Variants in TMEM131L observed in about 807,000 individuals in gnomAD.
TMEM131L encodes transmembrane 131 like, also known as transmembrane protein 131-like.
In TMEM131L, 54 loss-of-function variants were observed where a neutral mutation model predicts 192.2. The observed-to-expected ratio is 0.28, with a 90% CI of 0.23 to 0.35. The LOEUF is 0.35. Ranked by LOEUF, TMEM131L falls within the 10% of genes least tolerant of loss-of-function variation. TMEM131L has a pLI of 1.00. For missense variants in TMEM131L, 1,888 were observed against 1,972.9 expected, an observed-to-expected ratio of 0.96 and a Z score of 0.82; for synonymous variants, 701 against 704.9, an observed-to-expected ratio of 0.99 and a Z score of 0.09.
At chr4:153,546,754 C>T (rs1046245731) in intron 3 of TMEM131L, among the ~76,000 whole-genome samples, 20 of 152,282 alleles carry the variant, frequency 1.3e-4, no homozygotes, top group African/African-American at 3.4e-4. Flanking sequence ...ATGGAGAAAC[C>T]CCATCTCTGT....
intron 26 of TMEM131L, among the ~76,000 whole-genome samples, chr4:153,613,992 C>T (rs1053784592): frequency 6.6e-6 from 1 of 152,146 alleles, no homozygotes; most frequent in Non-Finnish European, 1.5e-5. Flanking sequence ...CACCAAGATT[C>T]ATAGTAGAGG....
At chr4:153,598,298 A>G (rs1731588916) in intron 20 of TMEM131L, among the ~76,000 whole-genome samples, 1 of 151,870 alleles carries the variant, frequency 6.6e-6, no homozygotes, top group Non-Finnish European at 1.5e-5. Context: ...TATTAGAAAA[A>G]TATATGAGGC....
chr4:153,583,854 C>T (rs1248778076), intron 11 of TMEM131L, among the ~76,000 whole-genome samples, 182 bp downstream of exon 11: 1 of 152,208 alleles, frequency 6.6e-6, no homozygotes, highest in East Asian at 1.9e-4. Context: ...GTTGATGCCA[C>T]TTTTATTCTG....
chr4:153,614,810 C>T (rs574572937), intron 26 of TMEM131L, among the ~76,000 whole-genome samples: 1 of 152,250 alleles, frequency 6.6e-6, no homozygotes, highest in South Asian at 2.1e-4. Context: ...ATGATGTAAT[C>T]AAGGCTTACA....
At chr4:153,503,969 G>T (rs1200062287) in intron 3 of TMEM131L, among the ~76,000 whole-genome samples, 2 of 152,028 alleles carry the variant, frequency 1.3e-5, no homozygotes, top group East Asian at 1.9e-4. Flanking sequence ...CACTTGTGTG[G>T]TTTTTTTGTT....
rs147237797 is a variant in TMEM131L at position 153,471,246 on chromosome 4, A to T, written c.196-2599A>T. ...TGTGATCTGCCTGCCTCAGCCTCCC[A>T]AAGTGCTGAGATTACAGGTGTGAGT... On this transcript the variant is annotated intron_variant, in intron 2 of 34. Coordinates refer to ENST00000409959, the MANE Select transcript of TMEM131L (RefSeq NM_001131007.2). Among the ~76,000 whole-genome samples, 97 of 152,232 alleles carry T rather than the reference A, an allele frequency of 6.4e-4. 1 individual carries two copies. The East Asian group carries it at 0.017, about 26-fold the overall frequency.
At chr4:153,552,928 G>C (rs905533623) in intron 4 of TMEM131L, among the ~76,000 whole-genome samples, 4 of 144,094 alleles carry the variant, frequency 2.8e-5, no homozygotes, top group Non-Finnish European at 6.0e-5. Flanking sequence ...CTTTTTTCTT[G>C]TGTTGTTATT....
At chr4:153,504,265 CCTTT>C (rs1733821016) in intron 3 of TMEM131L, among the ~76,000 whole-genome samples, 1 of 97,904 alleles carries the variant, frequency 1.0e-5, no homozygotes, top group African/African-American at 3.7e-5. Context: ...CCGCGGTCGG[CCTTT>C]TTTTTTTTTT....
In TMEM131L at chr4:153,628,980, G is replaced by A. The variant is rs537817448; in HGVS notation, c.4207+1293G>A. 7.9e-5 allele frequency among the ~76,000 whole-genome samples: 12 copies of A among 152,234 alleles called. 1 individual carries two copies. The highest frequency in any genetic ancestry group is 6.8e-3 in the Middle Eastern group (2 of 294). On this transcript the variant is annotated intron_variant, in intron 31 of 34. Coordinates refer to ENST00000409959, the MANE Select transcript of TMEM131L (RefSeq NM_001131007.2). ...GTACTCCCTCACCTCCCTCACAGCC[G>A]TGTTTTCCTTCTTGCCCAGCTGAAA...
rs79783095 is a variant in TMEM131L at position 153,480,632 on chromosome 4, C to T, written c.239+6744C>T. 5.6e-3 allele frequency among the ~76,000 whole-genome samples: 853 copies of T among 152,194 alleles called. 12 individuals are homozygous for T. The highest frequency in any genetic ancestry group is 0.019 in the African/African-American group (803 of 41,518). On this transcript the variant is annotated intron_variant, in intron 3 of 34. Coordinates refer to ENST00000409959, the MANE Select transcript of TMEM131L (RefSeq NM_001131007.2). Reference sequence around the variant, plus strand: ...TCCACTGGGGACCTTCCTATCTTCCCACCCTGTCATCTACCTAGGTGACCC... The same window carrying T: ...TCCACTGGGGACCTTCCTATCTTCCTACCCTGTCATCTACCTAGGTGACCC...
intron 27 of TMEM131L, 31 bp downstream of exon 27, chr4:153,620,911 G>T (rs1437865972): frequency 8.4e-6 from 13 of 1,541,076 alleles, no homozygotes; most frequent in Admixed American, 4.6e-5. Flanking sequence ...CTAATATTTT[G>T]ATCTATTTTT....
intron 7 of TMEM131L, among the ~76,000 whole-genome samples, chr4:153,559,742 C>G (rs1214874712): frequency 6.6e-6 from 1 of 152,094 alleles, no homozygotes; most frequent in Non-Finnish European, 1.5e-5. Context: ...TAGTCCCTTC[C>G]TACCTCTTTC....
At chr4:153,602,809 A>C in intron 23 of TMEM131L, 82 bp downstream of exon 23, 3 of 1,226,336 alleles carry the variant, frequency 2.4e-6, no homozygotes, top group Non-Finnish European at 3.5e-6. Context: ...GAACTGCCCG[A>C]GTGTAGTCAA....
At chr4:153,547,996 T>G (rs757215381) in intron 3 of TMEM131L, among the ~76,000 whole-genome samples, 4 of 151,072 alleles carry the variant, frequency 2.6e-5, no homozygotes, top group Non-Finnish European at 5.9e-5. Context: ...CTCAAAATTA[T>G]TTTTGGTACA....
chr4:153,499,449 G>C (rs1180332734), intron 3 of TMEM131L, among the ~76,000 whole-genome samples: 4 of 144,348 alleles, frequency 2.8e-5, no homozygotes, highest in African/African-American at 1.0e-4. Flanking sequence ...TTTTTTTTGA[G>C]ATGCGTCTCG....
chr4:153,489,035 C>G (rs1732574897), intron 3 of TMEM131L, among the ~76,000 whole-genome samples: 1 of 152,190 alleles, frequency 6.6e-6, no homozygotes, highest in African/African-American at 2.4e-5. Flanking sequence ...CTGCACCAAC[C>G]CTGTTTCCAA....
rs990850270 is a variant in TMEM131L at position 153,591,309 on chromosome 4, T to C, written c.1812+115T>C. On this transcript the variant is annotated intron_variant, in intron 17 of 34. Transcript: ENST00000409959. The stretch of plus-strand genomic sequence containing the variant: ...CATTTCAAAGCCAAAATTAAGGCGA[T>C]GTCAAAAGAACTAGATGAGCAGTAA... The C allele has an allele frequency of 1.0e-5, 10 of 978,336 alleles. No individual in the cohort carries two copies. The African/African-American group carries it at 1.3e-4, about 13-fold the overall frequency. 60.6% of individuals were successfully genotyped at this position (978,336 alleles called of 1,614,324 possible).
chr4:153,469,374 T>G (rs1188214406), intron 2 of TMEM131L, among the ~76,000 whole-genome samples: 3 of 152,092 alleles, frequency 2.0e-5, no homozygotes, highest in Non-Finnish European at 4.4e-5. Context: ...TCTCATAAGC[T>G]ACAGAGAGTT....
rs540082388 is a variant in TMEM131L, at chr4:153,511,074, GATTTCTCGAAGAACTAAAACCAGAACT to G, written c.239+37188_239+37214del. Among the ~76,000 whole-genome samples the G allele has an allele frequency of 4.5e-4, 69 of 152,328 alleles. 1 individual carries two copies. Among genetic ancestry groups the G allele is most frequent in the African/African-American group, 1.4e-3 (60 of 41,572 alleles). On this transcript the variant is annotated intron_variant, in intron 3 of 34. Coordinates refer to ENST00000409959, the MANE Select transcript of TMEM131L (RefSeq NM_001131007.2). ...CAACCACTGTGGAAAGCAGTGTGGT[GATTTCTCGAAGAACTAAAACCAGAACT>G]ACCATTCGACTCAGCAATCCCATTA... is the stretch of plus-strand genomic sequence containing the variant.
Sources: gnomAD v4.1 joint callset for allele counts (sites outside exome capture counted in the v4.1 genomes callset) on GRCh38, gnomAD v4.1.1 for gene constraint, MANE v1.5 for transcripts, NCBI Gene and HGNC (gene_info 2026-07-23, HGNC 2026-07-21) for gene names.